Variants in OR2L13 observed in about 807,000 individuals in gnomAD.
The protein encoded by OR2L13 is olfactory receptor family 2 subfamily L member 13, also known as olfactory receptor 2L13.
A neutral mutation model predicts 15.3 loss-of-function variants in OR2L13; 14 were observed. The ratio of observed to expected loss-of-function variants is 0.91; its 90% confidence interval spans 0.60 to 1.43. The LOEUF is 1.43. Among genes scored for constraint, OR2L13 ranks in the 40% most tolerant of loss-of-function variants. OR2L13 has a pLI of 0.00. For synonymous variants in OR2L13, 152 were observed against 142.9 expected (o/e 1.06, Z -0.45); for missense variants, 367 against 387.9 (o/e 0.95, Z 0.45).
chr1:248,022,234 G>C, the OR2L13 span: 1 of 1,614,178 alleles, frequency 6.2e-7, no homozygotes. Context: ...TTCATTGGGT[G>C]TGGGATTCAG....
the OR2L13 span, among the ~76,000 whole-genome samples, chr1:247,951,996 C>CGT: frequency 6.6e-6 from 1 of 151,806 alleles, no homozygotes; most frequent in African/African-American, 2.4e-5. Context: ...TGTGTGTGCG[C>CGT]GCGTGCGCGC....
At chr1:247,946,172 A>G in the OR2L13 span, among the ~76,000 whole-genome samples, 13 of 152,198 alleles carry the variant, frequency 8.5e-5, no homozygotes, top group Non-Finnish European at 1.9e-4. Flanking sequence ...GTATAGAAGT[A>G]CAGCAGGTTT....
chr1:248,090,827 G>A, upstream of OR2L13, among the ~76,000 whole-genome samples: 1 of 152,164 alleles, frequency 6.6e-6, no homozygotes, highest in East Asian at 1.9e-4. Context: ...GGCTTGAATG[G>A]TAGTTCAGTT....
chr1:247,967,566 A>T, the OR2L13 span, among the ~76,000 whole-genome samples: 1 of 152,158 alleles, frequency 6.6e-6, no homozygotes, highest in East Asian at 1.9e-4. Flanking sequence ...ATATCAAATT[A>T]TTGTTATTGA....
chr1:247,988,390 C>CT, the OR2L13 span, among the ~76,000 whole-genome samples: 5 of 151,860 alleles, frequency 3.3e-5, no homozygotes, highest in Admixed American at 1.3e-4. Context: ...CTGTCACATC[C>CT]TTTTACATAG....
chr1:248,078,054 T>C, the OR2L13 span, among the ~76,000 whole-genome samples: 3 of 152,336 alleles, frequency 2.0e-5, no homozygotes, highest in South Asian at 4.1e-4. Flanking sequence ...TGATTTCCAA[T>C]ATATTTTTAT....
upstream of OR2L13, among the ~76,000 whole-genome samples, chr1:248,096,243 CGTG>C (rs1664738011): frequency 1.3e-5 from 2 of 151,716 alleles, no homozygotes; most frequent in African/African-American, 4.8e-5. Flanking sequence ...ATTAGCCGGG[CGTG>C]GTGGTGGGCG....
At chr1:248,069,717 A>G in the OR2L13 span, among the ~76,000 whole-genome samples, 2 of 152,198 alleles carry the variant, frequency 1.3e-5, no homozygotes, top group South Asian at 2.1e-4. Flanking sequence ...AGTGTGCTGT[A>G]TTCAGGAAAC....
chr1:247,945,531 C>T, the OR2L13 span, among the ~76,000 whole-genome samples: 2 of 152,072 alleles, frequency 1.3e-5, no homozygotes, highest in African/African-American at 4.8e-5. Flanking sequence ...TGGTCTAGAG[C>T]TGAGTTCAAG....
the OR2L13 span, among the ~76,000 whole-genome samples, chr1:247,993,037 G>GT: frequency 0.17 from 25,596 of 151,782 alleles, 2,234 homozygotes; most frequent in African/African-American, 0.18. Context: ...AGCATCTGGT[G>GT]TTTTTTTTGA....
chr1:248,033,926 G>A, the OR2L13 span, among the ~76,000 whole-genome samples: 2 of 152,150 alleles, frequency 1.3e-5, no homozygotes, highest in Non-Finnish European at 2.9e-5. Flanking sequence ...AATCAGTAAA[G>A]AGGAAGCCAA....
At chr1:247,978,292 C>A in the OR2L13 span, among the ~76,000 whole-genome samples, 1 of 152,140 alleles carries the variant, frequency 6.6e-6, no homozygotes, top group Non-Finnish European at 1.5e-5. Context: ...GCAACTCCCA[C>A]TGTTTTGATG....
the OR2L13 span, chr1:247,966,035 G>C: frequency 6.2e-7 from 1 of 1,613,956 alleles, no homozygotes; most frequent in Non-Finnish European, 8.5e-7. Context: ...TCCTATGCTC[G>C]TGTGCTTATT....
At chr1:248,067,877 A>G in the OR2L13 span, among the ~76,000 whole-genome samples, 950 of 152,328 alleles carry the variant, frequency 6.2e-3, 11 homozygotes, top group African/African-American at 0.021. Context: ...CCACGCCCAC[A>G]GAGTCTCGCT....
At chr1:247,983,476 G>A in the OR2L13 span, among the ~76,000 whole-genome samples, 1 of 152,102 alleles carries the variant, frequency 6.6e-6, no homozygotes, top group Non-Finnish European at 1.5e-5. Flanking sequence ...AAAAGCAAGT[G>A]TATATGTTTT....
At chr1:248,084,809 A>G in the OR2L13 span, among the ~76,000 whole-genome samples, 1 of 152,164 alleles carries the variant, frequency 6.6e-6, no homozygotes, top group Non-Finnish European at 1.5e-5. Flanking sequence ...TACATCCAGC[A>G]TGTGAGCATT....
the OR2L13 span, among the ~76,000 whole-genome samples, chr1:248,004,323 GT>G: frequency 1.3e-4 from 20 of 152,280 alleles, no homozygotes; most frequent in African/African-American, 4.3e-4. Context: ...GAGAATGTTT[GT>G]TTTTAGTTAT....
chr1:248,099,529 C>G, exon 3 of OR2L13: 1 of 1,614,038 alleles, frequency 6.2e-7, no homozygotes, highest in Non-Finnish European at 8.5e-7. Flanking sequence ...CCACGTGGAT[C>G]CTCGTCTCCA....
the OR2L13 span, among the ~76,000 whole-genome samples, chr1:248,085,436 T>A: frequency 0.023 from 1,935 of 84,500 alleles, 252 homozygotes; most frequent in African/African-American, 0.083. Flanking sequence ...TAAAATAAAA[T>A]AATAAAATAA....
Sources: allele counts gnomAD v4.1 joint callset (sites outside exome capture counted in the v4.1 genomes callset), GRCh38; gene constraint gnomAD v4.1.1; transcripts MANE v1.5; gene names NCBI Gene and HGNC (gene_info 2026-07-23, HGNC 2026-07-21).